PRR16: variants seen among roughly 807,000 people sequenced by gnomAD.
The protein encoded by PRR16 is protein Largen.
A neutral mutation model predicts 18.2 loss-of-function variants in PRR16; 6 were observed. That is an observed-to-expected ratio of 0.33 (90% CI 0.18 to 0.65). The LOEUF is 0.65. Among genes scored for constraint, PRR16 ranks in the 30% least tolerant of loss-of-function variants. PRR16 has a pLI of 0.74. For synonymous variants in PRR16, 151 were observed against 147.8 expected (o/e 1.02, Z -0.16); for missense variants, 412 against 376.6 (o/e 1.09, Z -0.78).
Position 120,659,791 on chromosome 5 carries a change from T to C in PRR16, c.160-26163T>C, listed in dbSNP as rs1048503345. ...TTCTTGGATCAAAAAGAGACAGTCATCTGAGGGAAGGTTGGCTTAACTTGC... is the reference window on the plus strand; with the variant it reads ...TTCTTGGATCAAAAAGAGACAGTCACCTGAGGGAAGGTTGGCTTAACTTGC... On this transcript the variant is annotated intron_variant, in intron 1 of 1. Transcript: ENST00000407149. Among the ~76,000 whole-genome samples, 3 of 152,046 alleles carry C rather than the reference T, an allele frequency of 2.0e-5. No homozygotes were observed. The East Asian group carries it at 5.8e-4, about 29-fold the overall frequency.
At chr5:120,703,846 C>G in the PRR16 span, among the ~76,000 whole-genome samples, 1 of 152,150 alleles carries the variant, frequency 6.6e-6, no homozygotes, top group Non-Finnish European at 1.5e-5. Flanking sequence ...GAAAGTTATT[C>G]TGGATTTCTT....
At chr5:120,578,652 G>A (rs1485175615) in intron 1 of PRR16, among the ~76,000 whole-genome samples, 1 of 152,166 alleles carries the variant, frequency 6.6e-6, no homozygotes, top group East Asian at 1.9e-4. Flanking sequence ...TATCATTGAT[G>A]GACATTTGGG....
intron 1 of PRR16, among the ~76,000 whole-genome samples, chr5:120,509,587 G>A (rs1051233379): frequency 1.3e-5 from 2 of 152,034 alleles, no homozygotes; most frequent in Non-Finnish European, 2.9e-5. Flanking sequence ...GTAGTATCTA[G>A]GCATTATCTG....
the PRR16 span, among the ~76,000 whole-genome samples, chr5:120,716,612 A>G: frequency 6.6e-6 from 1 of 152,090 alleles, no homozygotes; most frequent in Non-Finnish European, 1.5e-5. Context: ...ATGGTGGCTC[A>G]CGCCTGTATT....
chr5:120,686,765 A>C lies in PRR16; in HGVS notation c.*56A>C. 1 of 1,284,066 alleles carries C rather than the reference A, an allele frequency of 7.8e-7. No homozygotes were observed. Among genetic ancestry groups the C allele is most frequent in the African/African-American group, 1.5e-5 (1 of 66,652 alleles). The allele number at this position is 1,284,066 out of a possible 1,614,324, so 79.5% of individuals were successfully genotyped here. Reference sequence around the variant, plus strand: ...TTTTCTATATTATAAACATAAAATAAGTAATGAGCACTTTCTACTCAAGCA... The same window carrying C: ...TTTTCTATATTATAAACATAAAATACGTAATGAGCACTTTCTACTCAAGCA... On this transcript the variant is annotated 3_prime_UTR_variant, in exon 2 of 2. Transcript: ENST00000407149.
At chr5:120,745,590 A>G in the PRR16 span, among the ~76,000 whole-genome samples, 981 of 152,126 alleles carry the variant, frequency 6.4e-3, 18 homozygotes, top group African/African-American at 0.023. Flanking sequence ...TTCTCTGGGT[A>G]TCAGATTTTG....
chr5:120,682,162 C>T (rs536060260), intron 1 of PRR16, among the ~76,000 whole-genome samples: 7 of 152,302 alleles, frequency 4.6e-5, no homozygotes, highest in Admixed American at 6.5e-5. Flanking sequence ...ATCACTCACA[C>T]TCAGGTGATC....
At chr5:120,591,138 G>C (rs1162862812) in intron 1 of PRR16, among the ~76,000 whole-genome samples, 3 of 151,918 alleles carry the variant, frequency 2.0e-5, no homozygotes, top group African/African-American at 7.3e-5. Context: ...TATTAGCCGG[G>C]TGTGGTGGTG....
the PRR16 span, among the ~76,000 whole-genome samples, chr5:120,729,882 A>G: frequency 6.6e-6 from 1 of 152,098 alleles, no homozygotes; most frequent in Non-Finnish European, 1.5e-5. Flanking sequence ...TGCCATATCA[A>G]GAAGTTAACT....
At chr5:120,537,005 A>G (rs537183281) in intron 1 of PRR16, among the ~76,000 whole-genome samples, 20 of 152,324 alleles carry the variant, frequency 1.3e-4, no homozygotes, top group African/African-American at 4.8e-4. Flanking sequence ...GAACTCATGA[A>G]CACAAAGGAG....
intron 1 of PRR16, among the ~76,000 whole-genome samples, chr5:120,570,129 G>A (rs1446241619): frequency 6.6e-6 from 1 of 152,084 alleles, no homozygotes; most frequent in East Asian, 1.9e-4. Context: ...AGAGATGAGA[G>A]CATGTGGTTG....
intron 1 of PRR16, among the ~76,000 whole-genome samples, chr5:120,682,010 C>A (rs1371064883): frequency 5.9e-5 from 9 of 152,192 alleles, no homozygotes; most frequent in Non-Finnish European, 1.3e-4. Flanking sequence ...TGTTTGAATA[C>A]TACATCTCTC....
intron 1 of PRR16, among the ~76,000 whole-genome samples, chr5:120,566,029 T>G (rs1000957894): frequency 2.3e-4 from 35 of 152,352 alleles, no homozygotes; most frequent in African/African-American, 8.2e-4. Flanking sequence ...CCAAAACTTA[T>G]GTTGAAATTT....
rs567871397 is a variant in PRR16, at chr5:120,560,858, G to A, written c.159+96213G>A. On this transcript the variant is annotated intron_variant, in intron 1 of 1. Coordinates refer to ENST00000407149, the MANE Select transcript of PRR16 (RefSeq NM_001300783.2). ...TTTCTTACTGGTTCAATCTTGGTAG[G>A]TTGTATGTGTCTAGGAATTTATCCA... Among the ~76,000 whole-genome samples the A allele has an allele frequency of 1.3e-4, 20 of 152,092 alleles. No homozygotes were observed. In the East Asian group the frequency reaches 2.7e-3, roughly 21 times the overall value.
At chr5:120,664,162 G>A (rs908021532) in intron 1 of PRR16, among the ~76,000 whole-genome samples, 2 of 152,006 alleles carry the variant, frequency 1.3e-5, no homozygotes, top group African/African-American at 2.4e-5. Flanking sequence ...AGCTGGGTAT[G>A]GTGGCAGATG....
intron 1 of PRR16, among the ~76,000 whole-genome samples, chr5:120,573,443 T>A (rs1285361344): frequency 6.6e-6 from 1 of 152,182 alleles, no homozygotes; most frequent in Non-Finnish European, 1.5e-5. Flanking sequence ...ATCTGTTGTC[T>A]TATTAATATG....
chr5:120,571,769 A>G (rs1205224625), intron 1 of PRR16, among the ~76,000 whole-genome samples: 2 of 152,188 alleles, frequency 1.3e-5, no homozygotes, highest in Non-Finnish European at 2.9e-5. Context: ...TATGTATCAC[A>G]TGTTAATGGG....
chr5:120,619,062 T>G (rs1754604354), intron 1 of PRR16, among the ~76,000 whole-genome samples: 1 of 152,156 alleles, frequency 6.6e-6, no homozygotes, highest in African/African-American at 2.4e-5. Flanking sequence ...TAGAAGAAAT[T>G]ACATGGGCAT....
chr5:120,671,779 T>G (rs1756614548), intron 1 of PRR16, among the ~76,000 whole-genome samples: 1 of 152,134 alleles, frequency 6.6e-6, no homozygotes, highest in African/African-American at 2.4e-5. Flanking sequence ...CTTCTCTCTA[T>G]GAAAGTGCCA....
Sources: allele counts gnomAD v4.1 joint callset (sites outside exome capture counted in the v4.1 genomes callset), GRCh38; gene constraint gnomAD v4.1.1; transcripts MANE v1.5; gene names NCBI Gene and HGNC (gene_info 2026-07-23, HGNC 2026-07-21).